TESK2: variants seen among roughly 807,000 people sequenced by gnomAD.
TESK2 encodes the protein dual specificity testis-specific protein kinase 2.
TESK2 carries 39 observed loss-of-function variants against 57.1 expected under a neutral mutation model. That is an observed-to-expected ratio of 0.68 (90% confidence interval 0.53 to 0.89). TESK2 has a LOEUF of 0.89. TESK2 is among the 40% of genes least tolerant of loss of function. TESK2 has a pLI of 0.00. For missense variants in TESK2, 646 were observed against 732.1 expected (o/e 0.88, Z 1.36); for synonymous variants, 249 against 267.9 (o/e 0.93, Z 0.69).
intron 3 of TESK2, among the ~76,000 whole-genome samples, chr1:45,391,159 G>T (rs1034175902): frequency 2.7e-5 from 4 of 146,960 alleles, no homozygotes; most frequent in African/African-American, 1.0e-4. Flanking sequence ...CTCGTGATCC[G>T]CCCCCCTCAG....
At chr1:45,426,285 C>T (rs1650685564) in intron 2 of TESK2, among the ~76,000 whole-genome samples, 1 of 152,048 alleles carries the variant, frequency 6.6e-6, no homozygotes, top group African/African-American at 2.4e-5. Flanking sequence ...ATAGAGAATC[C>T]AATAACAAAT....
chr1:45,424,333 G>C (rs1196431263), intron 2 of TESK2, among the ~76,000 whole-genome samples: 1 of 152,086 alleles, frequency 6.6e-6, no homozygotes, highest in East Asian at 1.9e-4. Context: ...GGGGGAGGCC[G>C]GGCCAAAACA....
chr1:45,466,537 T>C (rs966301424), intron 1 of TESK2, among the ~76,000 whole-genome samples: 3 of 151,542 alleles, frequency 2.0e-5, no homozygotes, highest in Non-Finnish European at 4.4e-5. Flanking sequence ...TAGTCCCAGC[T>C]ACTCAGGAGG....
At chr1:45,369,139 C>A (rs1370259204) in intron 4 of TESK2, among the ~76,000 whole-genome samples, 1 of 152,144 alleles carries the variant, frequency 6.6e-6, no homozygotes, top group Non-Finnish European at 1.5e-5. Flanking sequence ...GACCTAAAAG[C>A]CTGGGTTTCT....
intron 3 of TESK2, among the ~76,000 whole-genome samples, chr1:45,391,754 T>C (rs1649155819): frequency 2.6e-5 from 4 of 152,146 alleles, no homozygotes; most frequent in Admixed American, 2.0e-4. Flanking sequence ...TCTCTCTCTC[T>C]TTTGTCTCTC....
intron 1 of TESK2, among the ~76,000 whole-genome samples, chr1:45,477,554 G>T: frequency 6.7e-6 from 1 of 150,282 alleles, no homozygotes; most frequent in Non-Finnish European, 1.5e-5. Context: ...CCTGGGAGAC[G>T]GTGGTTGCAG....
At chr1:45,478,591 A>T (rs552651024) in intron 1 of TESK2, among the ~76,000 whole-genome samples, 1 of 152,324 alleles carries the variant, frequency 6.6e-6, no homozygotes, top group East Asian at 1.9e-4. Flanking sequence ...CAGCCAACAT[A>T]TATTTATTTA....
intron 2 of TESK2, among the ~76,000 whole-genome samples, chr1:45,441,844 T>G (rs1305597638): frequency 2.6e-5 from 4 of 152,164 alleles, no homozygotes; most frequent in African/African-American, 9.7e-5. Flanking sequence ...CTCGAACTCG[T>G]GACCTCAAGT....
chr1:45,432,731 A>G (rs1651024944), intron 2 of TESK2, among the ~76,000 whole-genome samples: 1 of 145,768 alleles, frequency 6.9e-6, no homozygotes, highest in Admixed American at 6.9e-5. Flanking sequence ...AATGATAGTC[A>G]CCATACTCTC....
rs138513668 is a variant in TESK2 at position 45,420,330 on chromosome 1, A to C, written c.344+1395T>G. ...TCATGGCTCACTGTAGCTGTGAACT[A>C]TTGGCTCAAGAGATCCTCCCACCTC... is the stretch of plus-strand genomic sequence containing the variant. On this transcript the variant is annotated intron_variant, in intron 3 of 10. Transcript: ENST00000372086. Among the ~76,000 whole-genome samples the C allele has an allele frequency of 1.2e-3, 182 of 152,172 alleles. 1 individual carries two copies. Among genetic ancestry groups the C allele is most frequent in the African/African-American group, 4.2e-3 (174 of 41,536 alleles).
At chr1:45,369,243 G>A (rs1648077805) in intron 4 of TESK2, among the ~76,000 whole-genome samples, 1 of 151,734 alleles carries the variant, frequency 6.6e-6, no homozygotes, top group Non-Finnish European at 1.5e-5. Flanking sequence ...GCTCACGCCT[G>A]TAATCTCAGC....
At chr1:45,472,473 G>A (rs1361720641) in intron 1 of TESK2, among the ~76,000 whole-genome samples, 1 of 150,284 alleles carries the variant, frequency 6.7e-6, no homozygotes, top group Non-Finnish European at 1.5e-5. Context: ...CAGAAGAATC[G>A]CTTGAACCCA....
chr1:45,367,566 A>G (rs1647980027), intron 4 of TESK2, among the ~76,000 whole-genome samples: 1 of 151,192 alleles, frequency 6.6e-6, no homozygotes, highest in African/African-American at 2.4e-5. Context: ...TCAGGTTGCT[A>G]TCCAAATCCT....
Position 45,454,547 on chromosome 1 carries a change from G to A in TESK2, c.222+3017C>T, listed in dbSNP as rs1358745496. On this transcript the variant is annotated intron_variant, in intron 2 of 10. Transcript: ENST00000372086. ...TCCCGTCTTGGCCTCTCAAAGTGCT[G>A]GGATTACAGGCGTCAACCACAATGC... Among the ~76,000 whole-genome samples, 3 of 151,860 alleles carry A rather than the reference G, an allele frequency of 2.0e-5. No individual in the cohort carries two copies. The East Asian group carries it at 5.8e-4, about 29-fold the overall frequency.
chr1:45,343,948 A>G lies in TESK2; in HGVS notation c.*892T>C. The G allele has an allele frequency of 2.3e-6, 1 of 432,436 alleles. No individual in the cohort carries two copies. Among genetic ancestry groups the G allele is most frequent in the Non-Finnish European group, 4.2e-6 (1 of 240,898 alleles). The allele number at this position is 432,436 out of a possible 1,614,324, so 26.8% of individuals were successfully genotyped here. On this transcript the variant is annotated 3_prime_UTR_variant, in exon 11 of 11. Coordinates refer to ENST00000372086, the MANE Select transcript of TESK2 (RefSeq NM_007170.3). This position sits in a 1 kb window ranked among gnomAD's most constrained non-coding sequence, Gnocchi z 4.3. ...TTGGGAAAGTTTTACAAAAAAAAAA[A>G]TCAACAGAAGCAAGTTATGAAAATA...
intron 3 of TESK2, among the ~76,000 whole-genome samples, chr1:45,405,466 T>C (rs1194906942): frequency 6.6e-6 from 1 of 151,972 alleles, no homozygotes; most frequent in Non-Finnish European, 1.5e-5. Flanking sequence ...CTCCTTCCCT[T>C]GTGCTAATAT....
At chr1:45,379,112 AACAATATC>A (rs1648548741) in intron 4 of TESK2, among the ~76,000 whole-genome samples, 1 of 152,180 alleles carries the variant, frequency 6.6e-6, no homozygotes, top group Non-Finnish European at 1.5e-5. Flanking sequence ...CACAACTAAT[AACAATATC>A]ACATATCACA....
chr1:45,429,747 C>A (rs1482895788), intron 2 of TESK2, among the ~76,000 whole-genome samples: 1 of 152,222 alleles, frequency 6.6e-6, no homozygotes. Flanking sequence ...ATCACCCAAA[C>A]TGACCAGCTT....
chr1:45,421,545 TA>T (rs1650477331), intron 3 of TESK2, among the ~76,000 whole-genome samples, 179 bp downstream of exon 3: 1 of 152,198 alleles, frequency 6.6e-6, no homozygotes, highest in Non-Finnish European at 1.5e-5. Context: ...TAAATGCAGT[TA>T]ATTACCAATA....
Sources: gnomAD v4.1 joint callset for allele counts (sites outside exome capture counted in the v4.1 genomes callset) on GRCh38, gnomAD v4.1.1 for gene constraint, Gnocchi (gnomAD v3.1) non-coding constraint, MANE v1.5 for transcripts, NCBI Gene and HGNC (gene_info 2026-07-23, HGNC 2026-07-21) for gene names.